The following SAMD4A variants were observed in gnomAD, a reference collection of about 807,000 sequenced individuals.
SAMD4A encodes protein Smaug homolog 1.
SAMD4A carries 33 observed loss-of-function variants against 81.3 expected under a neutral mutation model. The observed-to-expected ratio is 0.41, with a 90% CI of 0.31 to 0.54. SAMD4A has a LOEUF of 0.54. Ranked by LOEUF, SAMD4A falls within the 20% of genes least tolerant of loss-of-function variation. The probability of loss-of-function intolerance (pLI) is 0.37; values close to 1 mark genes in which losing one functional copy is unlikely to be tolerated. For missense variants in SAMD4A, 854 were observed against 951.1 expected, an observed-to-expected ratio of 0.90 and a Z score of 1.34; for synonymous variants, 389 against 382.1, an observed-to-expected ratio of 1.02 and a Z score of -0.21.
At chr14:54,761,577 A>G (rs1378147553) in intron 7 of SAMD4A, among the ~76,000 whole-genome samples, 2 of 152,022 alleles carry the variant, frequency 1.3e-5, no homozygotes, top group African/African-American at 2.4e-5. Flanking sequence ...CTAGGCCCCT[A>G]CTAGTTTATA....
At chr14:54,655,078 C>T (rs927519810) in intron 2 of SAMD4A, among the ~76,000 whole-genome samples, 8 of 152,216 alleles carry the variant, frequency 5.3e-5, no homozygotes, top group African/African-American at 1.9e-4. Context: ...AGATCTGAAG[C>T]TGGATTTTTA....
At chr14:54,782,770 CAG>C (rs1230664795) in intron 11 of SAMD4A, among the ~76,000 whole-genome samples, 3 of 152,256 alleles carry the variant, frequency 2.0e-5, no homozygotes, top group African/African-American at 7.2e-5. Flanking sequence ...ACACACATTG[CAG>C]AGATTATCTT....
At chr14:54,612,013 C>T (rs2034370751) in intron 2 of SAMD4A, among the ~76,000 whole-genome samples, 1 of 152,100 alleles carries the variant, frequency 6.6e-6, no homozygotes, top group Non-Finnish European at 1.5e-5. Flanking sequence ...ACCAGAGCCG[C>T]ACAGTTATTT....
At chr14:54,583,087 G>A (rs900776883) in intron 2 of SAMD4A, among the ~76,000 whole-genome samples, 1 of 152,116 alleles carries the variant, frequency 6.6e-6, no homozygotes, top group African/African-American at 2.4e-5. Context: ...GGGGCTACAG[G>A]CGTGTGCTAC....
At chr14:54,746,859 A>G (rs763319575) in intron 4 of SAMD4A, among the ~76,000 whole-genome samples, 3 of 152,256 alleles carry the variant, frequency 2.0e-5, no homozygotes, top group Non-Finnish European at 4.4e-5. Context: ...GTAAATAGCA[A>G]ACGTGAAACC....
At chr14:54,664,810 AACAC>A (rs140875623) in intron 2 of SAMD4A, among the ~76,000 whole-genome samples, 3,650 of 141,700 alleles carry the variant, frequency 0.026, 54 homozygotes, top group East Asian at 0.066. Context: ...ATGTGAATCC[AACAC>A]ACACACACAC....
At chr14:54,719,211 T>C (rs2037199798) in intron 3 of SAMD4A, among the ~76,000 whole-genome samples, 2 of 152,002 alleles carry the variant, frequency 1.3e-5, no homozygotes, top group African/African-American at 4.8e-5. Flanking sequence ...CAGATTTATC[T>C]TCAACTTAAA....
intron 2 of SAMD4A, among the ~76,000 whole-genome samples, chr14:54,609,812 G>A (rs1302650035): frequency 6.6e-6 from 1 of 152,152 alleles, no homozygotes; most frequent in Admixed American, 6.5e-5. Context: ...TAGCAATCTT[G>A]TTACAGTATT....
At chr14:54,576,967 G>C (rs1056871958) in intron 2 of SAMD4A, among the ~76,000 whole-genome samples, 3 of 152,202 alleles carry the variant, frequency 2.0e-5, no homozygotes, top group Non-Finnish European at 4.4e-5. Flanking sequence ...GCAAGGGCTG[G>C]TGTGCGGGTG....
At chr14:54,649,375 C>T (rs1456697558) in intron 2 of SAMD4A, among the ~76,000 whole-genome samples, 1 of 152,112 alleles carries the variant, frequency 6.6e-6, no homozygotes, top group Non-Finnish European at 1.5e-5. Flanking sequence ...GAGGAGTTGA[C>T]CCAGGAGAGA....
At chr14:54,757,404 TGTGTGTGTGTG>T (rs2038271070) in intron 6 of SAMD4A, among the ~76,000 whole-genome samples, 1 of 147,540 alleles carries the variant, frequency 6.8e-6, no homozygotes, top group African/African-American at 2.6e-5. Context: ...TGTGTGTGTG[TGTGTGTGTGTG>T]TGTGTGTGTG....
chr14:54,737,542 C>CTCT lies in SAMD4A; in HGVS notation c.979+256_979+257insCTT, dbSNP rs762424598. On this transcript the variant is annotated intron_variant, in intron 4 of 12. Coordinates refer to ENST00000554335, the MANE Select transcript of SAMD4A (RefSeq NM_015589.6). ...AGGTCAACCCACTCTCTCTCTCTCT[C>CTCT]TTTTTTTTTTTTTTTTTTTGCATTG... Among the ~76,000 whole-genome samples the CTCT allele has an allele frequency of 3.7e-3, 318 of 85,356 alleles. 1 individual carries two copies. The highest frequency in any genetic ancestry group is 5.0e-3 in the Admixed American group (35 of 7,048). The allele number at this position is 85,356 out of a possible 152,430, so 56.0% of individuals were successfully genotyped here.
Position 54,585,432 on chromosome 14 carries a change from T to A in SAMD4A, c.196+17320T>A, listed in dbSNP as rs185132756. Among the ~76,000 whole-genome samples the A allele has an allele frequency of 4.6e-5, 7 of 152,328 alleles. No homozygotes were observed. The East Asian group carries it at 9.6e-4, about 21-fold the overall frequency. ...ATGTTAACCATGACATCATTCTTTT[T>A]AAAAATTTTTTAAATTTTTTTATTT... On this transcript the variant is annotated intron_variant, in intron 2 of 12. Coordinates refer to ENST00000554335, the MANE Select transcript of SAMD4A (RefSeq NM_015589.6).
At position 54,737,177 on chromosome 14, in the gene SAMD4A, C is replaced by G; in HGVS notation, c.869C>G (p.Pro290Arg). Residue 290 changes from proline to arginine, a missense_variant, in exon 4 of 13, where the codon CCC becomes CGC. Pro to Arg is a moderately radical substitution (Grantham distance 103). Around this residue, in one of 3 missense-constraint regions of SAMD4A, gnomAD observed 387 missense variants for 405.8 expected, o/e 0.95. Transcript: ENST00000554335. ...CAGTGCCTCCCATCCGATCATGCCC[C>G]CCTGTCTCCACAAAGCAGTGTAGCC... ...GPQCLPSDHA[P>R]LSPQSSVASS... 3 of 1,614,086 alleles carry G rather than the reference C, an allele frequency of 1.9e-6. No homozygotes were observed. Among genetic ancestry groups the G allele is most frequent in the Non-Finnish European group, 2.5e-6 (3 of 1,179,992 alleles).
At chr14:54,614,858 A>G (rs953152339) in intron 2 of SAMD4A, among the ~76,000 whole-genome samples, 1 of 152,174 alleles carries the variant, frequency 6.6e-6, no homozygotes, top group Non-Finnish European at 1.5e-5. Context: ...TGGCTCTGTG[A>G]TTGTCTAATG....
At chr14:54,636,995 T>A (rs2035049190) in intron 2 of SAMD4A, among the ~76,000 whole-genome samples, 1 of 152,104 alleles carries the variant, frequency 6.6e-6, no homozygotes, top group Non-Finnish European at 1.5e-5. Flanking sequence ...GGCATGGAAC[T>A]GCATGAGCTC....
chr14:54,779,013 C>G (rs1293710147), intron 11 of SAMD4A, among the ~76,000 whole-genome samples: 1 of 152,152 alleles, frequency 6.6e-6, no homozygotes, highest in African/African-American at 2.4e-5. Context: ...AGCCTCCTAC[C>G]CAGGGACGAC....
chr14:54,792,107 A>G lies in SAMD4A; in HGVS notation c.*3163A>G, dbSNP rs188717260. The G allele has an allele frequency of 2.6e-5, 4 of 152,374 alleles. No individual in the cohort carries two copies. In the East Asian group the frequency reaches 7.7e-4, roughly 29 times the overall value. The allele number at this position is 152,374 out of a possible 1,614,324, so 9.4% of individuals were successfully genotyped here. A position where few individuals can be genotyped will look rare whatever the true frequency, so the allele number is the denominator to read the frequency against. ...TACCAGAAACAGTAGGAAGAAACAC[A>G]TGAACTGTGTACAAGACATGAAACA... is the stretch of plus-strand genomic sequence containing the variant. On this transcript the variant is annotated 3_prime_UTR_variant, in exon 13 of 13. Transcript: ENST00000554335.
At position 54,737,004 on chromosome 14, in the gene SAMD4A, C is replaced by T; in HGVS notation, c.716-20C>T. On this transcript the variant is annotated intron_variant, in intron 3 of 12. Transcript: ENST00000554335. ...ATAAAGGGGGGGGAATAACCTATTT[C>T]ATTTTATTTTTTTTTCCAGTTCTCT... 8 of 1,611,266 alleles carry T rather than the reference C, an allele frequency of 5.0e-6. No homozygotes were observed. The highest frequency in any genetic ancestry group is 1.3e-5 in the African/African-American group (1 of 74,966).
Sources: allele counts gnomAD v4.1 joint callset (sites outside exome capture counted in the v4.1 genomes callset), GRCh38; gene constraint gnomAD v4.1.1; regional missense constraint gnomAD v4.1.1; transcripts MANE v1.5; gene names NCBI Gene and HGNC (gene_info 2026-07-23, HGNC 2026-07-21).